TC2N: variants seen among roughly 807,000 people sequenced by gnomAD.
The protein encoded by TC2N is tandem C2 domains, nuclear, also known as tandem C2 domains nuclear protein.
In TC2N, 51 loss-of-function variants were observed where a neutral mutation model predicts 61.9. That is an observed-to-expected ratio of 0.82 (90% confidence interval 0.66 to 1.04). TC2N has a LOEUF of 1.04. Among genes scored for constraint, TC2N ranks in the 50% least tolerant of loss-of-function variants. The pLI, the probability that TC2N is intolerant of heterozygous loss-of-function variation, is 0.00. For synonymous variants in TC2N, 204 were observed against 192.6 expected, an observed-to-expected ratio of 1.06 and a Z score of -0.49; for missense variants, 556 against 566.7, an observed-to-expected ratio of 0.98 and a Z score of 0.19.
intron 4 of TC2N, among the ~76,000 whole-genome samples, chr14:91,801,099 C>G (rs1216494332): frequency 6.8e-6 from 1 of 146,696 alleles, no homozygotes; most frequent in African/African-American, 2.6e-5. Context: ...TATATATATC[C>G]TGAAAAACTG....
intron 1 of TC2N, among the ~76,000 whole-genome samples, chr14:91,861,596 GA>G (rs1888589294): frequency 6.6e-6 from 1 of 152,198 alleles, no homozygotes; most frequent in Admixed American, 6.5e-5. Context: ...GGAGGAAGTG[GA>G]GGGAAGCAAA....
intron 1 of TC2N, among the ~76,000 whole-genome samples, chr14:91,825,950 A>C (rs772461785): frequency 6.6e-6 from 1 of 152,186 alleles, no homozygotes; most frequent in Non-Finnish European, 1.5e-5. Context: ...TAAATGTTCC[A>C]TGTACATTTG....
chr14:91,790,211 C>G (rs1056918162), intron 9 of TC2N, among the ~76,000 whole-genome samples: 1 of 152,132 alleles, frequency 6.6e-6, no homozygotes, highest in African/African-American at 2.4e-5. Flanking sequence ...CCACATTATT[C>G]AATACCGAAA....
chr14:91,862,339 C>CAAAAAAAAAAAAAAAAAAAAAAA (rs56816512), intron 1 of TC2N, among the ~76,000 whole-genome samples: 2 of 106,448 alleles, frequency 1.9e-5, no homozygotes, highest in African/African-American at 6.7e-5. Context: ...GACTCTGTCT[C>CAAAAAAAAAAAAAAAAAAAAAAA]AAAAAAAAAA....
chr14:91,804,915 GT>G (rs1441714981), intron 3 of TC2N, among the ~76,000 whole-genome samples: 1 of 152,038 alleles, frequency 6.6e-6, no homozygotes, highest in Non-Finnish European at 1.5e-5. Context: ...TCACTGAGCT[GT>G]ATGTTTCTGT....
intron 1 of TC2N, among the ~76,000 whole-genome samples, chr14:91,861,734 C>T (rs144915926): frequency 1.6e-3 from 242 of 151,766 alleles, no homozygotes; most frequent in African/African-American, 5.6e-3. Context: ...ACCAGACTGG[C>T]CAACATGGTG....
intron 5 of TC2N, 77 bp downstream of exon 5, chr14:91,800,204 A>T (rs1886151376): frequency 2.5e-6 from 2 of 804,536 alleles, no homozygotes; most frequent in Non-Finnish European, 3.9e-6. Context: ...CATATTCCTA[A>T]TGTAATTCAT....
chr14:91,852,733 C>CAAGAGA lies in TC2N; in HGVS notation c.-57+14523_-57+14528dup, dbSNP rs892094292. 3.9e-5 allele frequency among the ~76,000 whole-genome samples: 6 copies of CAAGAGA among 152,040 alleles called. No individual in the cohort carries two copies. The East Asian group carries it at 1.2e-3, about 29-fold the overall frequency. On this transcript the variant is annotated intron_variant, in intron 1 of 11. Coordinates refer to ENST00000435962, the MANE Select transcript of TC2N (RefSeq NM_001128596.3). ...AGTGAGAGGGCCAGACCCACTGGAG[C>CAAGAGA]AAGAGAAAGAGAAAGAGAAGGGTAG...
intron 1 of TC2N, among the ~76,000 whole-genome samples, chr14:91,834,197 T>C (rs1242294754): frequency 6.6e-6 from 1 of 152,174 alleles, no homozygotes; most frequent in Non-Finnish European, 1.5e-5. Flanking sequence ...TCCAACACAG[T>C]TTATATGTGT....
chr14:91,855,761 G>A (rs1401911927), intron 1 of TC2N, among the ~76,000 whole-genome samples: 5 of 152,194 alleles, frequency 3.3e-5, no homozygotes, highest in African/African-American at 1.2e-4. Context: ...AACTGGCAAG[G>A]GACGATTGGA....
Position 91,864,709 on chromosome 14 carries a change from A to G in TC2N, c.-57+2553T>C, listed in dbSNP as rs568415383. On this transcript the variant is annotated intron_variant, in intron 1 of 11. Transcript: ENST00000435962. ...TTAAATCAATGTTAATTAATTTCTC[A>G]AATCCTAATAAACAGGTATCATAAT... Among the ~76,000 whole-genome samples, 75 of 152,196 alleles carry G rather than the reference A, an allele frequency of 4.9e-4. No homozygotes were observed. In the Middle Eastern group the frequency reaches 0.014, roughly 28 times the overall value.
chr14:91,829,888 T>C (rs1275864119), intron 1 of TC2N, among the ~76,000 whole-genome samples: 1 of 152,070 alleles, frequency 6.6e-6, no homozygotes, highest in African/African-American at 2.4e-5. Context: ...AATTCTAAAA[T>C]GGACAAAAGA....
intron 1 of TC2N, among the ~76,000 whole-genome samples, chr14:91,826,014 T>G (rs1412428322): frequency 2.6e-5 from 4 of 152,138 alleles, no homozygotes; most frequent in Non-Finnish European, 4.4e-5. Flanking sequence ...TCGTTGGTCA[T>G]GTTAAAATCT....
chr14:91,847,558 G>T (rs190764863), intron 1 of TC2N, among the ~76,000 whole-genome samples: 2 of 152,184 alleles, frequency 1.3e-5, no homozygotes. Flanking sequence ...AGAGGGCCAC[G>T]TAGAAAAGAA....
At chr14:91,820,213 C>A (rs1468421906) in intron 1 of TC2N, among the ~76,000 whole-genome samples, 1 of 151,874 alleles carries the variant, frequency 6.6e-6, no homozygotes, top group African/African-American at 2.4e-5. Context: ...AGAACATACA[C>A]CCAAAATCCT....
intron 3 of TC2N, 113 bp from the exon 4 acceptor site, chr14:91,802,534 C>G: frequency 2.3e-6 from 2 of 887,636 alleles, no homozygotes; most frequent in Non-Finnish European, 3.4e-6. Context: ...AATACTAAAT[C>G]ACATGTCTTT....
At chr14:91,793,501 G>A (rs575869899) in intron 8 of TC2N, among the ~76,000 whole-genome samples, 6 of 152,222 alleles carry the variant, frequency 3.9e-5, no homozygotes, top group South Asian at 2.1e-4. Flanking sequence ...TATCAGTGTC[G>A]TTTTTCCACC....
chr14:91,790,162 T>C (rs913483240), intron 9 of TC2N, among the ~76,000 whole-genome samples: 47 of 152,360 alleles, frequency 3.1e-4, no homozygotes, highest in African/African-American at 1.1e-3. Context: ...GATAAATCTC[T>C]GTAAATGCTA....
intron 1 of TC2N, among the ~76,000 whole-genome samples, chr14:91,865,271 A>G (rs547458805): frequency 3.0e-4 from 46 of 151,830 alleles, no homozygotes; most frequent in Non-Finnish European, 5.4e-4. Context: ...AAGAACCATT[A>G]GTAAGTCAAA....
Sources: allele counts gnomAD v4.1 joint callset (sites outside exome capture counted in the v4.1 genomes callset), GRCh38; gene constraint gnomAD v4.1.1; transcripts MANE v1.5; gene names NCBI Gene and HGNC (gene_info 2026-07-23, HGNC 2026-07-21).